HIPK2: variants seen among roughly 807,000 people sequenced by gnomAD.
The protein encoded by HIPK2 is homeodomain-interacting protein kinase 2.
Under a neutral mutation model 113.7 loss-of-function variants are expected in HIPK2, and 27 were observed. The observed-to-expected ratio is 0.24, with a 90% CI of 0.17 to 0.33. HIPK2 has a LOEUF of 0.33. Ranked by LOEUF, HIPK2 falls within the 10% of genes least tolerant of loss-of-function variation. HIPK2 has a pLI of 1.00. For synonymous variants in HIPK2, 631 were observed against 642.2 expected (o/e 0.98, Z 0.26); for missense variants, 1,257 against 1,588.0 (o/e 0.79, Z 3.54).
chr7:139,730,966 G>A (rs1795760511), intron 1 of HIPK2, among the ~76,000 whole-genome samples: 3 of 152,272 alleles, frequency 2.0e-5, no homozygotes, highest in South Asian at 2.1e-4. Flanking sequence ...ATCAGAAGCC[G>A]AGAGAAGGCA....
At chr7:139,582,138 A>C (rs1461872628) in intron 13 of HIPK2, among the ~76,000 whole-genome samples, 1 of 152,076 alleles carries the variant, frequency 6.6e-6, no homozygotes, top group African/African-American at 2.4e-5. Flanking sequence ...GGGTGGAAAA[A>C]GATGGTTTTT....
chr7:139,668,570 CAA>C (rs554785662), intron 2 of HIPK2, among the ~76,000 whole-genome samples: 10 of 102,846 alleles, frequency 9.7e-5, no homozygotes, highest in African/African-American at 2.1e-4. Context: ...GGCTCTGTCT[CAA>C]AAAAAAAAAA....
At position 139,606,499 on chromosome 7, in the gene HIPK2, C is replaced by T. The variant is rs117719447; in HGVS notation, c.2113-2276G>A. Among the ~76,000 whole-genome samples the T allele has an allele frequency of 1.7e-3, 263 of 152,210 alleles. 1 individual carries two copies. The Middle Eastern group carries it at 0.02, about 12-fold the overall frequency. ...AAAGAGAGTAGGAGAGAGGCAATCACCATGAATAAAATTTTAGAAGCTGAA... is the reference window on the plus strand; with the variant it reads ...AAAGAGAGTAGGAGAGAGGCAATCATCATGAATAAAATTTTAGAAGCTGAA... On this transcript the variant is annotated intron_variant, in intron 9 of 14. Coordinates refer to ENST00000406875, the MANE Select transcript of HIPK2 (RefSeq NM_022740.5).
At chr7:139,575,357 C>T (rs1355325075) in intron 13 of HIPK2, 69 bp from the exon 14 acceptor site, 8 of 1,476,538 alleles carry the variant, frequency 5.4e-6, no homozygotes, top group Non-Finnish European at 7.3e-6. Flanking sequence ...GCTACCCCAC[C>T]AGAGAACAGT....
chr7:139,572,381 A>T lies in HIPK2; in HGVS notation c.*546T>A, dbSNP rs998438184. 2 of 152,252 alleles carry T rather than the reference A, an allele frequency of 1.3e-5. No homozygotes were observed. Among genetic ancestry groups the T allele is most frequent in the Admixed American group, 6.5e-5 (1 of 15,288 alleles). 9.4% of individuals were successfully genotyped at this position (152,252 alleles called of 1,614,324 possible). On this transcript the variant is annotated 3_prime_UTR_variant, in exon 15 of 15. Coordinates refer to ENST00000406875, the MANE Select transcript of HIPK2 (RefSeq NM_022740.5). ...TGTTGACCCTTTCGAGTTCTGGAAA[A>T]ATCCCTAAATCTTATGTTCAATTAA...
chr7:139,661,690 ATTAG>A (rs1801872550), intron 2 of HIPK2, among the ~76,000 whole-genome samples: 3 of 152,202 alleles, frequency 2.0e-5, no homozygotes, highest in South Asian at 4.1e-4. Flanking sequence ...ATGATAGCTG[ATTAG>A]TTAAAAAAAA....
chr7:139,707,202 T>C (rs36144291), intron 2 of HIPK2, among the ~76,000 whole-genome samples: 56,148 of 151,922 alleles, frequency 0.37, 14,588 homozygotes, highest in African/African-American at 0.73. Flanking sequence ...GATCATCTCC[T>C]AAACAGGCGA....
At chr7:139,628,040 T>C (rs886833771) in intron 5 of HIPK2, among the ~76,000 whole-genome samples, 1 of 152,148 alleles carries the variant, frequency 6.6e-6, no homozygotes, top group Non-Finnish European at 1.5e-5. Flanking sequence ...AAGGGAGATG[T>C]GGACACAGAG....
At chr7:139,647,857 G>A (rs1281804044) in intron 2 of HIPK2, among the ~76,000 whole-genome samples, 1 of 152,246 alleles carries the variant, frequency 6.6e-6, no homozygotes, top group African/African-American at 2.4e-5. Context: ...AGGAAGAAAA[G>A]TTTTGTGGCA....
At position 139,613,233 on chromosome 7, in the gene HIPK2, G is replaced by C. The variant is rs746224330; in HGVS notation, c.2081C>G (p.Pro694Arg). 2.5e-6 allele frequency: 4 copies of C among 1,613,872 alleles called. No individual in the cohort carries two copies. The highest frequency in any genetic ancestry group is 3.4e-6 in the Non-Finnish European group (4 of 1,179,864). Residue 694 changes from proline to arginine, a missense_variant, in exon 9 of 15, where the codon CCT (proline) becomes CGT (arginine). Pro to Arg is a moderately radical substitution (Grantham distance 103). Around this residue, in one of 5 missense-constraint regions of HIPK2, gnomAD observed 862 missense variants for 1,004.3 expected, o/e 0.86. Coordinates refer to ENST00000406875, the MANE Select transcript of HIPK2 (RefSeq NM_022740.5). The surrounding 1 kb of genome is among the most constrained non-coding windows in gnomAD (Gnocchi z 4.2). ...AAGCAGACCTGGTTGGATCTGAAGA[G>C]GCTGAGCTCCTGGGGCTTGAGTGAC... ...PIVTQAPGAQ[P>R]LQIQPGLLAQ...
chr7:139,636,518 C>G (rs911106553), intron 2 of HIPK2, among the ~76,000 whole-genome samples: 5 of 152,042 alleles, frequency 3.3e-5, no homozygotes, highest in Admixed American at 2.6e-4. Context: ...ATGTGACTTG[C>G]ATCCATATCA....
intron 2 of HIPK2, among the ~76,000 whole-genome samples, chr7:139,659,534 T>C (rs935655667): frequency 3.9e-5 from 6 of 152,222 alleles, no homozygotes; most frequent in African/African-American, 1.4e-4. Flanking sequence ...GCTTGGGCTA[T>C]TAGTGTCCCA....
intron 9 of HIPK2, among the ~76,000 whole-genome samples, chr7:139,607,909 C>A (rs779248379): frequency 6.6e-6 from 1 of 151,954 alleles, no homozygotes; most frequent in Admixed American, 6.6e-5. Flanking sequence ...TTTAGAAACA[C>A]AGAGTTAAAG....
chr7:139,609,345 C>CT (rs1311777036), intron 9 of HIPK2, among the ~76,000 whole-genome samples: 4 of 152,090 alleles, frequency 2.6e-5, no homozygotes, highest in African/African-American at 9.7e-5. Context: ...CTCTGGGTGC[C>CT]CCACAGAGGC....
chr7:139,688,953 TC>T (rs1794316691), intron 2 of HIPK2, among the ~76,000 whole-genome samples: 1 of 152,226 alleles, frequency 6.6e-6, no homozygotes, highest in South Asian at 2.1e-4. Context: ...CAATTTTATT[TC>T]CAGTCTTACT....
chr7:139,628,293 C>T (rs1800497988), intron 5 of HIPK2, among the ~76,000 whole-genome samples: 1 of 152,188 alleles, frequency 6.6e-6, no homozygotes, highest in Non-Finnish European at 1.5e-5. Flanking sequence ...CAGTTCATGG[C>T]ACCTTCTAAC....
intron 2 of HIPK2, among the ~76,000 whole-genome samples, chr7:139,637,254 C>T (rs1800844532): frequency 6.6e-6 from 1 of 152,198 alleles, no homozygotes; most frequent in African/African-American, 2.4e-5. Context: ...GGCACCCCAC[C>T]CCCTTGCCGT....
At chr7:139,755,693 G>T (rs187404847) in intron 1 of HIPK2, among the ~76,000 whole-genome samples, 1 of 152,116 alleles carries the variant, frequency 6.6e-6, no homozygotes, top group Non-Finnish European at 1.5e-5. Context: ...GCCAGTCTCC[G>T]GCAGTCCCTT....
intron 12 of HIPK2, among the ~76,000 whole-genome samples, chr7:139,586,047 TAGAG>T (rs758805662): frequency 1.3e-4 from 20 of 152,224 alleles, no homozygotes; most frequent in Non-Finnish European, 2.1e-4. Context: ...AATAACCAGT[TAGAG>T]AGAATAATGG....
Sources: allele counts gnomAD v4.1 joint callset (sites outside exome capture counted in the v4.1 genomes callset), GRCh38; gene constraint gnomAD v4.1.1; regional missense constraint gnomAD v4.1.1; non-coding constraint Gnocchi (gnomAD v3.1); transcripts MANE v1.5; gene names NCBI Gene and HGNC (gene_info 2026-07-23, HGNC 2026-07-21).